The following SLC26A3 variants were observed in gnomAD, a reference collection of about 807,000 sequenced individuals.
SLC26A3 encodes solute carrier family 26 member 3.
In SLC26A3, 64 loss-of-function variants were observed where a neutral mutation model predicts 85.6. The observed-to-expected ratio is 0.75, with a 90% CI of 0.61 to 0.92. The LOEUF is 0.92. Among genes scored for constraint, SLC26A3 ranks in the 40% least tolerant of loss-of-function variants. SLC26A3 has a pLI of 0.00. For missense variants in SLC26A3, 922 were observed against 927.3 expected (o/e 0.99, Z 0.07); for synonymous variants, 349 against 336.0 (o/e 1.04, Z -0.42).
chr7:107,768,473 G>A (rs1375964529), intron 18 of SLC26A3, among the ~76,000 whole-genome samples: 1 of 152,144 alleles, frequency 6.6e-6, no homozygotes, highest in East Asian at 1.9e-4. Flanking sequence ...CCTTATGTCT[G>A]CCATGTGCAA....
chr7:107,791,963 G>A (rs373921864), intron 3 of SLC26A3, 23 bp from the exon 4 acceptor site: 4 of 1,370,706 alleles, frequency 2.9e-6, no homozygotes, highest in Non-Finnish European at 4.2e-6. Context: ...AAGCAGCAGA[G>A]CCCTTACTCT....
intron 1 of SLC26A3, 140 bp from the exon 2 acceptor site, chr7:107,794,737 G>A (rs1216691190): frequency 5.6e-6 from 3 of 539,200 alleles, no homozygotes; most frequent in East Asian, 3.3e-5. Context: ...TGTGTTTTGC[G>A]ACAGCGATGT....
intron 20 of SLC26A3, among the ~76,000 whole-genome samples, chr7:107,767,164 TAGGGACTTCTC>T (rs1793929884): frequency 6.6e-6 from 1 of 152,140 alleles, no homozygotes; most frequent in Non-Finnish European, 1.5e-5. Flanking sequence ...GGCACTGTGC[TAGGGACTTCTC>T]AAGCATCTGG....
At chr7:107,774,631 G>A (rs1794081020) in intron 16 of SLC26A3, 146 bp downstream of exon 16, 2 of 705,160 alleles carry the variant, frequency 2.8e-6, no homozygotes. Flanking sequence ...ACCCTCAGAA[G>A]GATGTCATTT....
intron 1 of SLC26A3, among the ~76,000 whole-genome samples, chr7:107,800,367 A>G (rs1445414579): frequency 6.6e-6 from 1 of 152,214 alleles, no homozygotes; most frequent in Non-Finnish European, 1.5e-5. Context: ...TCAGCTGACC[A>G]TTGATTCATT....
In SLC26A3 at chr7:107,765,622, AAAT is replaced by A. The variant is rs375666941; in HGVS notation, c.*230_*232del. ...AGTGCTACAAAAATATGTATGAACA[AAAT>A]AATTTTCACCCTTTGATAAAGCTAC... is the stretch of plus-strand genomic sequence containing the variant. On this transcript the variant is annotated 3_prime_UTR_variant, in exon 21 of 21. Coordinates refer to ENST00000340010, the MANE Select transcript of SLC26A3 (RefSeq NM_000111.3). 1.4e-3 allele frequency: 670 copies of A among 489,484 alleles called. 4 individuals are homozygous for A. Among genetic ancestry groups the A allele is most frequent in the African/African-American group, 0.012 (594 of 51,312 alleles). 30.3% of individuals were successfully genotyped at this position (489,484 alleles called of 1,614,324 possible).
chr7:107,788,697 G>A (rs939295728), intron 6 of SLC26A3, among the ~76,000 whole-genome samples: 4 of 151,408 alleles, frequency 2.6e-5, no homozygotes, highest in African/African-American at 4.8e-5. Context: ...TATGGTAGAT[G>A]TGGTTGATTT....
At chr7:107,787,763 T>A (rs769934456) in intron 6 of SLC26A3, among the ~76,000 whole-genome samples, 18 of 152,198 alleles carry the variant, frequency 1.2e-4, no homozygotes, top group Non-Finnish European at 2.2e-4. Flanking sequence ...TTGCTGGGAA[T>A]CTCTTTGGCT....
chr7:107,778,317 C>A, intron 12 of SLC26A3, 36 bp from the exon 13 acceptor site: 3 of 1,161,864 alleles, frequency 2.6e-6, no homozygotes, highest in African/African-American at 1.7e-5. Context: ...CTACAATTTA[C>A]TTTGATTAAA....
intron 12 of SLC26A3, among the ~76,000 whole-genome samples, chr7:107,778,799 G>T (rs143666206): frequency 1.3e-5 from 2 of 152,102 alleles, no homozygotes; most frequent in African/African-American, 4.8e-5. Flanking sequence ...AGACTAGCCT[G>T]GGCAACATAG....
At chr7:107,785,750 G>A (rs1305412205) in intron 8 of SLC26A3, among the ~76,000 whole-genome samples, 2 of 151,982 alleles carry the variant, frequency 1.3e-5, no homozygotes, top group Admixed American at 1.3e-4. Flanking sequence ...TAAAAAAAAT[G>A]TTTTTTCTTT....
chr7:107,772,452 A>G (rs1794043074), intron 17 of SLC26A3, among the ~76,000 whole-genome samples: 2 of 152,356 alleles, frequency 1.3e-5, no homozygotes, highest in Non-Finnish European at 2.9e-5. Flanking sequence ...CTTTCTTGCT[A>G]CATAAAAGTT....
intron 1 of SLC26A3, among the ~76,000 whole-genome samples, chr7:107,798,701 A>C (rs1794553040): frequency 6.6e-6 from 1 of 152,134 alleles, no homozygotes; most frequent in African/African-American, 2.4e-5. Flanking sequence ...TCCTAGCAGC[A>C]TCACCCCTTC....
At chr7:107,787,013 A>C in intron 7 of SLC26A3, 104 bp from the exon 8 acceptor site, 3 of 959,012 alleles carry the variant, frequency 3.1e-6, no homozygotes, top group Non-Finnish European at 5.0e-6. Flanking sequence ...CCTGTTAAGT[A>C]AGAACTCCAG....
chr7:107,783,853 G>A (rs2115847152), intron 8 of SLC26A3, among the ~76,000 whole-genome samples: 1 of 152,296 alleles, frequency 6.6e-6, no homozygotes, highest in South Asian at 2.1e-4. Context: ...ACTCTGCCCT[G>A]CACTTCACAG....
At chr7:107,785,082 C>T (rs1794270875) in intron 8 of SLC26A3, among the ~76,000 whole-genome samples, 1 of 152,166 alleles carries the variant, frequency 6.6e-6, no homozygotes, top group Non-Finnish European at 1.5e-5. Context: ...GCATAAAAAG[C>T]TCAAGTGCTT....
chr7:107,792,765 C>A (rs6415341), intron 3 of SLC26A3, among the ~76,000 whole-genome samples: 3 of 151,910 alleles, frequency 2.0e-5, no homozygotes, highest in Non-Finnish European at 2.9e-5. Context: ...AATTTAAAAA[C>A]GTGTACTTCA....
In SLC26A3 at chr7:107,776,654, T is replaced by C. The variant is rs770936978; in HGVS notation, c.1567A>G (p.Lys523Glu). Residue 523 changes from lysine to glutamate, a missense_variant, in exon 14 of 21, where the codon AAA (lysine) becomes GAA (glutamate). Physicochemically the swap from Lys to Glu is moderately conservative, Grantham distance 56. Coordinates refer to ENST00000340010, the MANE Select transcript of SLC26A3 (RefSeq NM_000111.3). ...NIGRTNIYKN[K>E]KDYYDMYEPE... ...TCCCTTACATCATAATAATCTTTTT[T>C]ATTCTTATAGATGTTGGTTCTTCCA... 1.2e-6 allele frequency: 2 copies of C among 1,613,818 alleles called. No individual in the cohort carries two copies. Among genetic ancestry groups the C allele is most frequent in the Non-Finnish European group, 1.7e-6 (2 of 1,179,754 alleles).
chr7:107,794,562 GA>G lies in SLC26A3; in HGVS notation c.-54del. ...TTGAAGACCTTTGCAACTATGTGGTGAACACTTCTTCTTGCCTTTAGCAGGT... is the reference window on the plus strand; with the variant it reads ...TTGAAGACCTTTGCAACTATGTGGTGACACTTCTTCTTGCCTTTAGCAGGT... On this transcript the variant is annotated 5_prime_UTR_variant, in exon 2 of 21. Transcript: ENST00000340010. 6.2e-7 allele frequency: 1 copy of G among 1,606,344 alleles called. No homozygotes were observed. The highest frequency in any genetic ancestry group is 1.7e-4 in the Middle Eastern group (1 of 6,048).
Sources: gnomAD v4.1 joint callset for allele counts (sites outside exome capture counted in the v4.1 genomes callset) on GRCh38, gnomAD v4.1.1 for gene constraint, MANE v1.5 for transcripts, NCBI Gene and HGNC (gene_info 2026-07-23, HGNC 2026-07-21) for gene names.